SPATA16: variants seen among roughly 807,000 people sequenced by gnomAD.
SPATA16 encodes the protein spermatogenesis associated 16.
A neutral mutation model predicts 63.3 loss-of-function variants in SPATA16; 36 were observed. The ratio of observed to expected loss-of-function variants is 0.57; its 90% CI spans 0.44 to 0.75. The LOEUF is 0.75. Ranked by LOEUF, SPATA16 falls within the 30% of genes least tolerant of loss-of-function variation. The pLI is 0.00. For synonymous variants in SPATA16, 203 were observed against 216.7 expected, an observed-to-expected ratio of 0.94 and a Z score of 0.56; for missense variants, 646 against 679.3, an observed-to-expected ratio of 0.95 and a Z score of 0.54.
chr3:172,936,788 A>G (rs1733005880), intron 6 of SPATA16, among the ~76,000 whole-genome samples: 1 of 151,974 alleles, frequency 6.6e-6, no homozygotes, highest in Non-Finnish European at 1.5e-5. Flanking sequence ...GCTTACTGCA[A>G]CCTCTGCCTT....
chr3:172,952,311 G>T (rs575923447), intron 6 of SPATA16, among the ~76,000 whole-genome samples: 1 of 152,248 alleles, frequency 6.6e-6, no homozygotes, highest in East Asian at 1.9e-4. Flanking sequence ...ATATGTTAAA[G>T]TTACCAGATT....
At chr3:173,015,486 G>T (rs1280702828) in intron 4 of SPATA16, among the ~76,000 whole-genome samples, 3 of 152,194 alleles carry the variant, frequency 2.0e-5, no homozygotes, top group Non-Finnish European at 2.9e-5. Context: ...ATGTTATATG[G>T]TTTTTTGCCT....
At chr3:172,999,297 TC>T (rs1734762882) in intron 4 of SPATA16, among the ~76,000 whole-genome samples, 1 of 152,330 alleles carries the variant, frequency 6.6e-6, no homozygotes, top group Admixed American at 6.5e-5. Context: ...AGGAGTAGAT[TC>T]ATTTCAGTTA....
chr3:173,026,446 A>G (rs1033607755), intron 3 of SPATA16, among the ~76,000 whole-genome samples: 1 of 151,880 alleles, frequency 6.6e-6, no homozygotes. Flanking sequence ...ATGATGTCCA[A>G]CTTATCGACT....
chr3:172,997,849 T>A (rs1034772360), intron 4 of SPATA16, among the ~76,000 whole-genome samples: 12 of 152,168 alleles, frequency 7.9e-5, no homozygotes, highest in African/African-American at 2.7e-4. Flanking sequence ...ATTTGTTGAG[T>A]TGACTATCTT....
At chr3:173,060,253 A>C (rs1736347116) in intron 2 of SPATA16, among the ~76,000 whole-genome samples, 1 of 152,140 alleles carries the variant, frequency 6.6e-6, no homozygotes, top group African/African-American at 2.4e-5. Context: ...GCGAAACTCC[A>C]TCCCCAAAAA....
chr3:172,983,250 A>G (rs1350058638), intron 4 of SPATA16, among the ~76,000 whole-genome samples: 1 of 151,846 alleles, frequency 6.6e-6, no homozygotes, highest in African/African-American at 2.4e-5. Flanking sequence ...AAATATCCTC[A>G]CAATAATTTA....
intron 6 of SPATA16, among the ~76,000 whole-genome samples, chr3:172,929,408 A>T (rs1392781583): frequency 6.6e-6 from 1 of 152,206 alleles, no homozygotes; most frequent in East Asian, 1.9e-4. Flanking sequence ...TGAAAGAGGT[A>T]AACAGTTTTC....
At chr3:173,086,592 T>C (rs1046654039) in intron 2 of SPATA16, among the ~76,000 whole-genome samples, 1 of 152,170 alleles carries the variant, frequency 6.6e-6, no homozygotes, top group African/African-American at 2.4e-5. Flanking sequence ...TATGGTTTGT[T>C]TGCTCTTGGT....
chr3:173,011,396 T>C (rs1035080434), intron 4 of SPATA16, among the ~76,000 whole-genome samples: 1 of 152,214 alleles, frequency 6.6e-6, no homozygotes, highest in African/African-American at 2.4e-5. Context: ...AAACTAGGCA[T>C]TGAAGAAACA....
chr3:172,982,752 A>G (rs927857658), intron 4 of SPATA16, among the ~76,000 whole-genome samples: 5 of 152,230 alleles, frequency 3.3e-5, no homozygotes, highest in African/African-American at 1.2e-4. Context: ...CAAAAGGATT[A>G]TGAGTACAAG....
chr3:173,114,281 T>C (rs1737831747), intron 2 of SPATA16, among the ~76,000 whole-genome samples: 6 of 152,178 alleles, frequency 3.9e-5, no homozygotes, highest in Admixed American at 3.9e-4. Context: ...TTCTCCTTCT[T>C]TCTCAGTAAC....
chr3:173,098,812 A>G (rs1204562911), intron 2 of SPATA16, among the ~76,000 whole-genome samples: 2 of 152,192 alleles, frequency 1.3e-5, no homozygotes, highest in East Asian at 3.8e-4. Flanking sequence ...CTCTTTTCTG[A>G]TAGAATGCAG....
chr3:173,115,760 G>A (rs1477399651), intron 2 of SPATA16, among the ~76,000 whole-genome samples: 5 of 152,082 alleles, frequency 3.3e-5, no homozygotes, highest in African/African-American at 1.2e-4. Flanking sequence ...TATAACTGTA[G>A]TCATTTTAAC....
intron 3 of SPATA16, among the ~76,000 whole-genome samples, chr3:173,038,246 A>G (rs1735759663): frequency 6.6e-6 from 1 of 152,048 alleles, no homozygotes; most frequent in African/African-American, 2.4e-5. Flanking sequence ...GTAACCTTGT[A>G]TGTAATACCC....
intron 1 of SPATA16, among the ~76,000 whole-genome samples, chr3:173,137,774 T>A (rs1420513008): frequency 6.6e-6 from 1 of 151,314 alleles, no homozygotes; most frequent in Non-Finnish European, 1.5e-5. Flanking sequence ...CTTCTGTGTG[T>A]TTATTCCTCC....
At chr3:172,964,710 C>T (rs1054251061) in intron 5 of SPATA16, among the ~76,000 whole-genome samples, 11 of 151,994 alleles carry the variant, frequency 7.2e-5, no homozygotes, top group Non-Finnish European at 1.3e-4. Flanking sequence ...ATTTCTTGAC[C>T]GTGGTTTTAA....
intron 3 of SPATA16, among the ~76,000 whole-genome samples, chr3:173,042,056 C>A (rs1307402271): frequency 6.6e-6 from 1 of 152,054 alleles, no homozygotes; most frequent in African/African-American, 2.4e-5. Context: ...TCAATTCATT[C>A]TAAAACTCAC....
At chr3:173,041,252 C>T (rs184355329) in intron 3 of SPATA16, among the ~76,000 whole-genome samples, 5 of 152,304 alleles carry the variant, frequency 3.3e-5, no homozygotes, top group Admixed American at 1.3e-4. Flanking sequence ...TTTCTTCACA[C>T]TGGCAAGCCC....
Sources: allele counts gnomAD v4.1 joint callset (sites outside exome capture counted in the v4.1 genomes callset), GRCh38; gene constraint gnomAD v4.1.1; transcripts MANE v1.5; gene names NCBI Gene and HGNC (gene_info 2026-07-23, HGNC 2026-07-21).